The following SERPINB8 variants were observed in gnomAD, a reference collection of about 807,000 sequenced individuals.
SERPINB8 encodes the protein serpin family B member 8, also known as serpin B8.
SERPINB8 carries 25 observed loss-of-function variants against 35.3 expected under a neutral mutation model. The ratio of observed to expected loss-of-function variants is 0.71; its 90% CI spans 0.52 to 0.99. SERPINB8 has a LOEUF of 0.99. SERPINB8 is among the 50% of genes least tolerant of loss of function. SERPINB8 has a pLI of 0.00. For synonymous variants in SERPINB8, 186 were observed against 160.8 expected (o/e 1.16, Z -1.19); for missense variants, 484 against 446.5 (o/e 1.08, Z -0.76).
chr18:63,985,273 T>C (rs1282135467), intron 6 of SERPINB8, 28 bp downstream of exon 6: 1 of 1,612,406 alleles, frequency 6.2e-7, no homozygotes, highest in Non-Finnish European at 8.5e-7. Context: ...AGCCTGAGTA[T>C]CTGTGGAGTC....
At chr18:63,997,380 T>TG (rs2050855099) in intron 1 of SERPINB8, among the ~76,000 whole-genome samples, 1 of 152,198 alleles carries the variant, frequency 6.6e-6, no homozygotes, top group Admixed American at 6.5e-5. Context: ...CCAGCCCAGC[T>TG]GGGGCCTTCA....
At position 63,970,711 on chromosome 18, in the gene SERPINB8, C is replaced by T. The variant is rs1256953174; in HGVS notation, c.-11+541C>T. 4 of 152,502 alleles carry T rather than the reference C, an allele frequency of 2.6e-5. No individual in the cohort carries two copies. In the South Asian group the frequency reaches 6.1e-4, roughly 23 times the overall value. 9.4% of individuals were successfully genotyped at this position (152,502 alleles called of 1,614,324 possible). On this transcript the variant is annotated intron_variant, in intron 1 of 6. Coordinates refer to ENST00000397985, the MANE Select transcript of SERPINB8 (RefSeq NM_002640.4). ...GGGGCAGATCGGGGAGGCGCCGAGT[C>T]CCTGCTCCCCTGGCGCCCAAGCTTG...
In SERPINB8 at chr18:63,970,090, G is replaced by C. The variant is rs1467706024; in HGVS notation, c.-91G>C. 1 of 277,246 alleles carries C rather than the reference G, an allele frequency of 3.6e-6. No homozygotes were observed. Among genetic ancestry groups the C allele is most frequent in the Admixed American group, 4.8e-5 (1 of 20,762 alleles). 17.2% of individuals were successfully genotyped at this position (277,246 alleles called of 1,614,324 possible). On this transcript the variant is annotated 5_prime_UTR_variant, in exon 1 of 7. Coordinates refer to ENST00000397985, the MANE Select transcript of SERPINB8 (RefSeq NM_002640.4). ...CGGAAGCCTTGCCCTCAATCAAGGC[G>C]GACGTGAAGCATCTACAAAGGAGGA...
At chr18:64,013,211 T>A (rs980606707) in intron 7 of SERPINB8, among the ~76,000 whole-genome samples, 16 of 151,812 alleles carry the variant, frequency 1.1e-4, no homozygotes, top group African/African-American at 3.6e-4. Context: ...GTCCACTGGC[T>A]CATGAGCCTC....
chr18:64,003,313 G>T (rs932416351), intron 1 of SERPINB8, among the ~76,000 whole-genome samples: 2 of 152,176 alleles, frequency 1.3e-5, no homozygotes, highest in Non-Finnish European at 2.9e-5. Context: ...TGATGGGTTA[G>T]TCTGAGGAAG....
chr18:64,008,749 C>T (rs2050912057), downstream of SERPINB8, among the ~76,000 whole-genome samples: 2 of 151,988 alleles, frequency 1.3e-5, no homozygotes, highest in Non-Finnish European at 2.9e-5. Context: ...AATTCAAAAA[C>T]AATTTGAGCA....
chr18:64,015,661 A>G (rs142092772), intron 7 of SERPINB8, among the ~76,000 whole-genome samples: 11 of 152,358 alleles, frequency 7.2e-5, no homozygotes, highest in African/African-American at 2.6e-4. Flanking sequence ...CAGTGAGAGC[A>G]TGGCAAAATA....
chr18:64,013,797 T>C (rs749505948), intron 7 of SERPINB8, among the ~76,000 whole-genome samples: 1 of 152,150 alleles, frequency 6.6e-6, no homozygotes, highest in Non-Finnish European at 1.5e-5. Flanking sequence ...AGGAAGAGCA[T>C]GTGCAAAATC....
downstream of SERPINB8, among the ~76,000 whole-genome samples, chr18:63,989,938 G>A (rs1164185653): frequency 1.6e-5 from 1 of 63,562 alleles, no homozygotes; most frequent in Non-Finnish European, 2.5e-5. Context: ...GCGAGACTCT[G>A]TCTCAAAAAA....
At chr18:64,003,131 C>T (rs2050883941) in intron 1 of SERPINB8, among the ~76,000 whole-genome samples, 1 of 152,248 alleles carries the variant, frequency 6.6e-6, no homozygotes, top group African/African-American at 2.4e-5. Flanking sequence ...AAATCCACTT[C>T]TAAGTGCAAG....
rs138253824 is a variant in SERPINB8 at position 63,987,101 on chromosome 18, G to T, written c.948G>T (p.Lys316Asn). The change falls in exon 7 of 7, where the codon AAG (lysine) becomes AAT (asparagine). Residue 316 changes from lysine to asparagine, a missense_variant. By Grantham distance (94) the Lys-to-Asn change is moderately conservative (BLOSUM62 0). Coordinates refer to ENST00000397985, the MANE Select transcript of SERPINB8 (RefSeq NM_002640.4). ...KNVPLSKVAH[K>N]CFVEVNEEGT... ...TGCCTCTGTCCAAGGTTGCCCACAA[G>T]TGCTTCGTGGAGGTCAATGAGGAAG... The T allele has an allele frequency of 5.0e-6, 8 of 1,614,094 alleles. No individual in the cohort carries two copies. In the Admixed American group the frequency reaches 1.3e-4, roughly 27 times the overall value.
chr18:63,985,322 C>A, intron 6 of SERPINB8, 77 bp downstream of exon 6: 1 of 1,523,602 alleles, frequency 6.6e-7, no homozygotes, highest in Non-Finnish European at 8.9e-7. Flanking sequence ...TACCAATTGG[C>A]ATTTGAGGAG....
chr18:63,973,365 G>C (rs1011675331), intron 1 of SERPINB8, among the ~76,000 whole-genome samples: 2 of 152,012 alleles, frequency 1.3e-5, no homozygotes, highest in African/African-American at 4.8e-5. Flanking sequence ...AAATTTGTTT[G>C]AGTTCTTTGT....
In SERPINB8 at chr18:63,978,350, C is replaced by A; in HGVS notation, c.42C>A (p.Ser14Arg). The A allele has an allele frequency of 6.2e-7, 1 of 1,614,148 alleles. No individual in the cohort carries two copies. Among genetic ancestry groups the A allele is most frequent in the South Asian group, 1.1e-5 (1 of 91,078 alleles). The change falls in exon 2 of 7, where the codon AGC becomes AGA. Residue 14 changes from serine to arginine, a missense_variant. Physicochemically the swap from Ser to Arg is moderately radical, Grantham distance 110. Coordinates refer to ENST00000397985, the MANE Select transcript of SERPINB8 (RefSeq NM_002640.4). ...AAGCAAATGGCACTTTTGCCATCAG[C>A]TTATTTAAAATATTGGGGGAAGAGG... ...LCEANGTFAISLFKILGEEDN... is the reference protein window; with the variant it reads ...LCEANGTFAIRLFKILGEEDN...
intron 1 of SERPINB8, among the ~76,000 whole-genome samples, chr18:63,996,215 C>T (rs2050848496): frequency 6.6e-6 from 1 of 152,168 alleles, no homozygotes; most frequent in Non-Finnish European, 1.5e-5. Context: ...GACAATTGGG[C>T]TGGTTTCAAT....
chr18:63,985,792 G>A (rs1031898773), intron 6 of SERPINB8, among the ~76,000 whole-genome samples: 4 of 152,310 alleles, frequency 2.6e-5, no homozygotes, highest in Non-Finnish European at 5.9e-5. Flanking sequence ...TACTGTGACA[G>A]AAAAGGAACA....
At chr18:63,981,525 A>G (rs2050670719) in intron 3 of SERPINB8, among the ~76,000 whole-genome samples, 196 bp from the exon 4 acceptor site, 1 of 152,194 alleles carries the variant, frequency 6.6e-6, no homozygotes, top group African/African-American at 2.4e-5. Context: ...GGACCTCCTC[A>G]AGCCAAGCAC....
chr18:64,001,475 G>GTTTGTTTATTTA (rs1555716935), intron 1 of SERPINB8, among the ~76,000 whole-genome samples: 13,318 of 146,644 alleles, frequency 0.091, 713 homozygotes, highest in African/African-American at 0.14. Context: ...TTGTTTGTTT[G>GTTTGTTTATTTA]TTTATTTATT....
chr18:63,980,618 C>T (rs1222408846), intron 3 of SERPINB8, among the ~76,000 whole-genome samples: 9 of 152,166 alleles, frequency 5.9e-5, no homozygotes, highest in Admixed American at 1.3e-4. Context: ...GTGCTGTTCC[C>T]GGAATTTGCC....
Sources: allele counts gnomAD v4.1 joint callset (sites outside exome capture counted in the v4.1 genomes callset), GRCh38; gene constraint gnomAD v4.1.1; transcripts MANE v1.5; gene names NCBI Gene and HGNC (gene_info 2026-07-23, HGNC 2026-07-21).